ZNF385D: variants seen among roughly 807,000 people sequenced by gnomAD.
ZNF385D encodes zinc finger protein 385D.
A neutral mutation model predicts 35.8 loss-of-function variants in ZNF385D; 15 were observed. That is an observed-to-expected ratio of 0.42 (90% confidence interval 0.28 to 0.64). The LOEUF (loss-of-function observed/expected upper bound fraction) is 0.64, where lower values mean the gene tolerates loss of function less well. ZNF385D is among the 30% of genes least tolerant of loss of function. The pLI is 0.23. For missense variants in ZNF385D, 474 were observed against 494.6 expected (o/e 0.96, Z 0.39); for synonymous variants, 212 against 186.8 (o/e 1.13, Z -1.10).
chr3:22,003,921 A>C (rs1211832606), intron 3 of ZNF385D, among the ~76,000 whole-genome samples: 1 of 150,006 alleles, frequency 6.7e-6, no homozygotes, highest in East Asian at 2.0e-4. Context: ...TAGAACCACA[A>C]AAGACCCCAA....
intron 3 of ZNF385D, among the ~76,000 whole-genome samples, chr3:22,034,191 T>A (rs375926745): frequency 6.6e-6 from 1 of 152,124 alleles, no homozygotes; most frequent in African/African-American, 2.4e-5. Context: ...TTTGGGAGAT[T>A]AGAATTAGAT....
chr3:21,445,924 C>T (rs1222765301), intron 4 of ZNF385D, among the ~76,000 whole-genome samples: 1 of 152,162 alleles, frequency 6.6e-6, no homozygotes, highest in Non-Finnish European at 1.5e-5. Flanking sequence ...TCTTTATGCT[C>T]CTTTGGCTCT....
chr3:22,219,681 A>G (rs1294707848), intron 2 of ZNF385D, among the ~76,000 whole-genome samples: 3 of 152,162 alleles, frequency 2.0e-5, no homozygotes, highest in Non-Finnish European at 4.4e-5. Context: ...AACATTCTCA[A>G]CTATTTCTAG....
chr3:22,193,139 A>G (rs1030267976), intron 2 of ZNF385D, among the ~76,000 whole-genome samples: 3 of 152,172 alleles, frequency 2.0e-5, no homozygotes, highest in African/African-American at 7.2e-5. Context: ...TTGAAAATTA[A>G]TAATTCCTTC....
rs78410478 is a variant in ZNF385D at position 22,276,239 on chromosome 3, T to C, written c.106+96211A>G. Reference sequence around the variant, plus strand: ...AATATCAATGGAGAAAACACTAGGATCCAGTCTTCAGCAAAAAAGTTCAGA... The same window carrying C: ...AATATCAATGGAGAAAACACTAGGACCCAGTCTTCAGCAAAAAAGTTCAGA... On this transcript the variant is annotated intron_variant, in intron 2 of 5. Transcript: ENST00000494108. Among the ~76,000 whole-genome samples, 675 of 152,234 alleles carry C rather than the reference T, an allele frequency of 4.4e-3. 7 individuals are homozygous for C. Among genetic ancestry groups the C allele is most frequent in the African/African-American group, 0.015 (642 of 41,550 alleles).
intron 3 of ZNF385D, among the ~76,000 whole-genome samples, chr3:22,030,481 CAG>C (rs1440922720): frequency 6.7e-6 from 1 of 149,134 alleles, no homozygotes; most frequent in South Asian, 2.1e-4. Flanking sequence ...GAGAGAGACA[CAG>C]AGAGAGAAAG....
At chr3:21,653,244 T>A (rs2065971119) in intron 2 of ZNF385D, among the ~76,000 whole-genome samples, 2 of 152,174 alleles carry the variant, frequency 1.3e-5, no homozygotes, top group African/African-American at 4.8e-5. Context: ...TCCAGTTGTC[T>A]CTTAAGGTAT....
chr3:22,040,719 A>G (rs1698612082), intron 3 of ZNF385D, among the ~76,000 whole-genome samples: 1 of 152,138 alleles, frequency 6.6e-6, no homozygotes, highest in South Asian at 2.1e-4. Context: ...CACAGAAAAG[A>G]CTATCTTATT....
At chr3:21,967,840 T>C (rs1702996407) in intron 3 of ZNF385D, among the ~76,000 whole-genome samples, 1 of 152,216 alleles carries the variant, frequency 6.6e-6, no homozygotes, top group Non-Finnish European at 1.5e-5. Context: ...CTCCCGTGAT[T>C]ATTCCCTCTA....
chr3:22,028,977 A>G (rs1281762130), intron 3 of ZNF385D, among the ~76,000 whole-genome samples: 1 of 152,142 alleles, frequency 6.6e-6, no homozygotes, highest in Non-Finnish European at 1.5e-5. Context: ...GGGTCCAGGA[A>G]TCAAGGGGTG....
At chr3:21,635,431 A>C (rs2065399823) in intron 2 of ZNF385D, among the ~76,000 whole-genome samples, 2 of 152,066 alleles carry the variant, frequency 1.3e-5, no homozygotes, top group African/African-American at 2.4e-5. Flanking sequence ...TAGATGAAGA[A>C]ACTGAGTTAC....
chr3:22,106,564 C>T (rs1702224392), intron 3 of ZNF385D, among the ~76,000 whole-genome samples: 1 of 152,058 alleles, frequency 6.6e-6, no homozygotes, highest in Admixed American at 6.6e-5. Context: ...ATTTGATGCC[C>T]TTATTAGTCA....
intron 2 of ZNF385D, among the ~76,000 whole-genome samples, chr3:21,651,123 CAA>C (rs34764620): frequency 0.12 from 16,546 of 140,530 alleles, 1,012 homozygotes; most frequent in East Asian, 0.14. Flanking sequence ...ACTAAAAATA[CAA>C]AAAAAAAAAA....
chr3:21,544,263 G>A lies in ZNF385D; in HGVS notation c.276+20311C>T, dbSNP rs909742495. On this transcript the variant is annotated intron_variant, in intron 3 of 7. Transcript: ENST00000281523. ...AGCTTCGCAATTGGTAAGGCCTGGG[G>A]ACATATGGAACTAACCACAGACTTG... Among the ~76,000 whole-genome samples the A allele has an allele frequency of 2.6e-5, 4 of 152,184 alleles. No homozygotes were observed. The South Asian group carries it at 6.2e-4, about 24-fold the overall frequency.
intron 1 of ZNF385D, among the ~76,000 whole-genome samples, chr3:21,668,435 C>T (rs2066469437): frequency 6.6e-6 from 1 of 152,160 alleles, no homozygotes; most frequent in African/African-American, 2.4e-5. Flanking sequence ...ATCCTATATC[C>T]CTCACGTCTC....
At chr3:22,297,429 G>A (rs1042359573) in intron 2 of ZNF385D, among the ~76,000 whole-genome samples, 1 of 152,060 alleles carries the variant, frequency 6.6e-6, no homozygotes, top group Admixed American at 6.6e-5. Context: ...CCTCATACCT[G>A]GAGCAAAGTC....
At chr3:22,084,327 G>A (rs1224724298) in intron 3 of ZNF385D, among the ~76,000 whole-genome samples, 2 of 152,136 alleles carry the variant, frequency 1.3e-5, no homozygotes, top group East Asian at 1.9e-4. Flanking sequence ...ACTGTATTCA[G>A]GAGACCCACT....
At chr3:21,603,006 C>T (rs1249890256) in intron 2 of ZNF385D, among the ~76,000 whole-genome samples, 3 of 152,142 alleles carry the variant, frequency 2.0e-5, no homozygotes, top group Non-Finnish European at 4.4e-5. Context: ...TTCTTTTATG[C>T]CTCTGTCCAT....
chr3:22,279,499 T>C (rs1701608562), intron 2 of ZNF385D, among the ~76,000 whole-genome samples: 1 of 140,834 alleles, frequency 7.1e-6, no homozygotes, highest in Non-Finnish European at 1.5e-5. Context: ...AATATACATA[T>C]GTACATATAT....
Sources: allele counts gnomAD v4.1 joint callset (sites outside exome capture counted in the v4.1 genomes callset), GRCh38; gene constraint gnomAD v4.1.1; transcripts MANE v1.5; gene names NCBI Gene and HGNC (gene_info 2026-07-23, HGNC 2026-07-21).